The following DNM2 variants were observed in gnomAD, a reference collection of about 807,000 sequenced individuals.
The protein encoded by DNM2 is dynamin 2.
DNM2 carries 15 observed loss-of-function variants against 99.0 expected under a neutral mutation model. The ratio of observed to expected loss-of-function variants is 0.15; its 90% CI spans 0.10 to 0.23. The LOEUF (loss-of-function observed/expected upper bound fraction) is 0.23, where lower values mean the gene tolerates loss of function less well. DNM2 is among the 10% of genes least tolerant of loss of function. The pLI, the probability that DNM2 is intolerant of heterozygous loss-of-function variation, is 1.00. For synonymous variants in DNM2, 525 were observed against 481.2 expected, an observed-to-expected ratio of 1.09 and a Z score of -1.19; for missense variants, 742 against 1,189.4, an observed-to-expected ratio of 0.62 and a Z score of 5.53.
At chr19:10,735,404 C>T (rs2069486611) in intron 1 of DNM2, among the ~76,000 whole-genome samples, 1 of 152,242 alleles carries the variant, frequency 6.6e-6, no homozygotes. Context: ...ACAGTGATAA[C>T]TGATGATGCT....
rs949106319 is a variant in DNM2 at position 10,786,650 on chromosome 19, G to A, written c.936G>A (p.Glu312=). ...TGCTGTCCCTGGAGAAGGAGGTGGA[G>A]GAGTACAAGAACTTTCGGCCCGACG... is the stretch of plus-strand genomic sequence containing the variant. ...SQLLSLEKEV[E]EYKNFRPDDP... Residue 312 remains glutamate (E), a synonymous_variant, in exon 7 of 21, where the codon GAG becomes GAA. Coordinates refer to ENST00000389253, the MANE Select transcript of DNM2 (RefSeq NM_001005361.3). 1 of 1,614,170 alleles carries A rather than the reference G, an allele frequency of 6.2e-7. No individual in the cohort carries two copies. Among genetic ancestry groups the A allele is most frequent in the Non-Finnish European group, 8.5e-7 (1 of 1,180,032 alleles).
At chr19:10,758,101 T>C (rs1338240210) in intron 1 of DNM2, among the ~76,000 whole-genome samples, 4 of 152,162 alleles carry the variant, frequency 2.6e-5, no homozygotes, top group Admixed American at 2.6e-4. Context: ...TTTTCCTTTC[T>C]GAGTGTACAG....
At chr19:10,723,528 A>G (rs1016050576) in intron 1 of DNM2, among the ~76,000 whole-genome samples, 1 of 152,116 alleles carries the variant, frequency 6.6e-6, no homozygotes, top group Non-Finnish European at 1.5e-5. Context: ...TTGGCCTCCC[A>G]AGGTGCTGGG....
At chr19:10,720,976 T>C (rs1158818578) in intron 1 of DNM2, among the ~76,000 whole-genome samples, 1 of 152,140 alleles carries the variant, frequency 6.6e-6, no homozygotes, top group Non-Finnish European at 1.5e-5. Context: ...CACTGGAGGC[T>C]GTAAAGTGAG....
intron 15 of DNM2, among the ~76,000 whole-genome samples, chr19:10,814,031 G>A (rs559216466): frequency 7.2e-5 from 11 of 152,124 alleles, no homozygotes; most frequent in East Asian, 1.9e-4. Flanking sequence ...GTGTGGTGGC[G>A]CACGCTTGTA....
At chr19:10,760,827 A>ATGTTTTTTTTTTTTTTTT (rs1663854487) in intron 2 of DNM2, among the ~76,000 whole-genome samples, 2 of 41,256 alleles carry the variant, frequency 4.8e-5, no homozygotes, top group Non-Finnish European at 8.3e-5. Flanking sequence ...CACCCAGCTG[A>ATGTTTTTTTTTTTTTTTT]TTTTTTTTTT....
chr19:10,755,253 G>A (rs1029571023), intron 1 of DNM2: 4 of 152,224 alleles, frequency 2.6e-5, no homozygotes, highest in Non-Finnish European at 5.9e-5. Flanking sequence ...AGGAATGAAC[G>A]TCAGACACAC....
intron 1 of DNM2, among the ~76,000 whole-genome samples, chr19:10,744,376 ACGGGTC>A (rs1214147432): frequency 1.3e-5 from 2 of 152,094 alleles, no homozygotes; most frequent in Non-Finnish European, 2.9e-5. Flanking sequence ...GACCTCAAGA[ACGGGTC>A]CGGGCTGTTC....
At chr19:10,769,687 C>T (rs1240852757) in intron 2 of DNM2, among the ~76,000 whole-genome samples, 1 of 151,762 alleles carries the variant, frequency 6.6e-6, no homozygotes, top group African/African-American at 2.4e-5. Flanking sequence ...CGAGTGTTTC[C>T]CCTTGTCCCT....
chr19:10,731,291 G>A (rs770657284), intron 1 of DNM2, among the ~76,000 whole-genome samples: 45 of 152,008 alleles, frequency 3.0e-4, no homozygotes, highest in South Asian at 6.2e-4. Context: ...CCAGCTGGCC[G>A]CGCAGCCAGG....
chr19:10,816,291 C>T lies in DNM2; in HGVS notation c.1672-3689C>T, dbSNP rs767276019. On this transcript the variant is annotated intron_variant, in intron 15 of 20. Transcript: ENST00000389253. The surrounding 1 kb of genome is among the most constrained non-coding windows in gnomAD (Gnocchi z 4.6). ...TCATCCCGCTCCACATGAGGCCAGA[C>T]GCTCATCTCTGGAATGTTCCTGAAA... 4.6e-5 allele frequency among the ~76,000 whole-genome samples: 7 copies of T among 152,140 alleles called. 1 individual carries two copies. The highest frequency in any genetic ancestry group is 2.1e-4 in the South Asian group (1 of 4,824).
At chr19:10,823,948 G>A (rs1188438228) in intron 17 of DNM2, 49 bp downstream of exon 17, 1 of 1,590,014 alleles carries the variant, frequency 6.3e-7, no homozygotes, top group Non-Finnish European at 8.6e-7. Flanking sequence ...ACCTGGGAGA[G>A]GAAGCAGGGC....
chr19:10,797,556 T>C, intron 10 of DNM2, 38 bp downstream of exon 10: 1 of 1,613,218 alleles, frequency 6.2e-7, no homozygotes. Flanking sequence ...TTTGTCCCCG[T>C]CCTCCCCCTC....
At chr19:10,822,418 T>C (rs1166304875) in intron 16 of DNM2, among the ~76,000 whole-genome samples, 2 of 152,026 alleles carry the variant, frequency 1.3e-5, no homozygotes, top group Non-Finnish European at 2.9e-5. Context: ...CTCCAACTCC[T>C]GAGCTCAAGC....
At chr19:10,770,827 C>T (rs1488244555) in intron 2 of DNM2, among the ~76,000 whole-genome samples, 1 of 152,174 alleles carries the variant, frequency 6.6e-6, no homozygotes, top group Non-Finnish European at 1.5e-5. Context: ...CATTGATCTC[C>T]CACTGGGTCC....
intron 2 of DNM2, among the ~76,000 whole-genome samples, chr19:10,762,543 A>G (rs1027920454): frequency 6.6e-6 from 1 of 152,134 alleles, no homozygotes; most frequent in Non-Finnish European, 1.5e-5. Context: ...CACGTTATTT[A>G]CTACATGTCA....
intron 1 of DNM2, among the ~76,000 whole-genome samples, chr19:10,740,379 T>G (rs1869993205): frequency 6.8e-6 from 1 of 147,256 alleles, no homozygotes; most frequent in Non-Finnish European, 1.5e-5. Flanking sequence ...TCTCTTTTTT[T>G]TGTTTTTTTT....
Position 10,793,777 on chromosome 19 carries a change from G to T in DNM2, c.1050G>T (p.Gln350His). 3.7e-6 allele frequency: 6 copies of T among 1,614,160 alleles called. No homozygotes were observed. Among genetic ancestry groups the T allele is most frequent in the Non-Finnish European group, 5.1e-6 (6 of 1,180,032 alleles). ...FEKRIEGSGD[Q>H]VDTLELSGGA... ...AGAGGATCGAGGGCTCAGGAGATCA[G>T]GTGGACACTCTGGAGCTCTCCGGGG... Residue 350 changes from glutamine (Q) to histidine (H), a missense_variant, in exon 8 of 21, where the codon CAG (glutamine) becomes CAT (histidine). Around this residue, in one of 7 missense-constraint regions of DNM2, gnomAD observed 14 missense variants for 31.7 expected, o/e 0.44. Transcript: ENST00000389253.
intron 1 of DNM2, among the ~76,000 whole-genome samples, chr19:10,722,341 C>T (rs1003871177): frequency 1.3e-5 from 2 of 152,068 alleles, no homozygotes; most frequent in Non-Finnish European, 2.9e-5. Context: ...GGCTTGTCTG[C>T]GGTGCACCAG....
Sources: allele counts gnomAD v4.1 joint callset (sites outside exome capture counted in the v4.1 genomes callset), GRCh38; gene constraint gnomAD v4.1.1; regional missense constraint gnomAD v4.1.1; non-coding constraint Gnocchi (gnomAD v3.1); transcripts MANE v1.5; gene names NCBI Gene and HGNC (gene_info 2026-07-23, HGNC 2026-07-21).